Variants in ITGAM observed in about 807,000 individuals in gnomAD.
ITGAM encodes the protein integrin alpha-M.
A neutral mutation model predicts 137.5 loss-of-function variants in ITGAM; 79 were observed. The ratio of observed to expected loss-of-function variants is 0.57; its 90% CI spans 0.48 to 0.69. The LOEUF (loss-of-function observed/expected upper bound fraction) is 0.69, where lower values mean the gene tolerates loss of function less well. Among genes scored for constraint, ITGAM ranks in the 30% least tolerant of loss-of-function variants. The pLI is 0.00. For missense variants in ITGAM, 1,343 were observed against 1,483.5 expected, an observed-to-expected ratio of 0.91 and a Z score of 1.56; for synonymous variants, 583 against 592.3, an observed-to-expected ratio of 0.98 and a Z score of 0.23.
intron 16 of ITGAM, among the ~76,000 whole-genome samples, chr16:31,323,871 G>A (rs577436210): frequency 5.9e-5 from 9 of 152,120 alleles, no homozygotes; most frequent in Non-Finnish European, 1.0e-4. Flanking sequence ...AAATTAGCAC[G>A]GCGTGGTGGC....
Position 31,331,974 on chromosome 16 carries a change from T to C in ITGAM, c.*267T>C, listed in dbSNP as rs556347749. On this transcript the variant is annotated 3_prime_UTR_variant, in exon 30 of 30. Coordinates refer to ENST00000544665, the MANE Select transcript of ITGAM (RefSeq NM_000632.4). The stretch of plus-strand genomic sequence containing the variant: ...GTATGTGAGTGTGTCCAAGTGTGTG[T>C]GCGTGTGTCCATGTGTGTGCAAGTG... 3.4e-4 allele frequency: 178 copies of C among 527,296 alleles called. 2 individuals are homozygous for C. The highest frequency in any genetic ancestry group is 2.3e-3 in the African/African-American group (116 of 51,114). The allele number at this position is 527,296 out of a possible 1,614,324, so 32.7% of individuals were successfully genotyped here.
At chr16:31,276,559 T>G in intron 9 of ITGAM, 112 bp from the exon 10 acceptor site, 1 of 717,672 alleles carries the variant, frequency 1.4e-6, no homozygotes, top group South Asian at 1.7e-5. Flanking sequence ...CTCTAACTCC[T>G]GACCTCAAGT....
At chr16:31,289,534 C>T (rs529062786) in intron 12 of ITGAM, among the ~76,000 whole-genome samples, 3 of 152,230 alleles carry the variant, frequency 2.0e-5, no homozygotes, top group Non-Finnish European at 2.9e-5. Flanking sequence ...CATGTTCTCA[C>T]TCATAGGTGG....
intron 14 of ITGAM, among the ~76,000 whole-genome samples, chr16:31,318,551 C>T (rs1217873397): frequency 1.3e-4 from 20 of 152,112 alleles, no homozygotes; most frequent in Non-Finnish European, 2.9e-4. Context: ...ACCATGATGG[C>T]CAGGCTGGTT....
chr16:31,281,591 C>T (rs2079969902), intron 12 of ITGAM, among the ~76,000 whole-genome samples: 1 of 152,094 alleles, frequency 6.6e-6, no homozygotes, highest in Non-Finnish European at 1.5e-5. Flanking sequence ...TGTATTGCGT[C>T]TATTTGATTC....
Position 31,297,592 on chromosome 16 carries a change from G to A in ITGAM, c.1435G>A (p.Ala479Thr), listed in dbSNP as rs1196762712. Residue 479 changes from alanine to threonine, a missense_variant, in exon 13 of 30, where the codon GCC (alanine) becomes ACC (threonine). Transcript: ENST00000544665. ...NGSTDLVLIGAPHYYEQTRGG... is the reference protein window; with the variant it reads ...NGSTDLVLIGTPHYYEQTRGG... ...CAGCACCGACCTGGTCCTCATCGGG[G>A]CCCCCCATTACTACGAGCAGACCCG... The A allele has an allele frequency of 5.6e-6, 9 of 1,612,718 alleles. No individual in the cohort carries two copies. Among genetic ancestry groups the A allele is most frequent in the Non-Finnish European group, 7.6e-6 (9 of 1,179,896 alleles).
chr16:31,324,568 G>A lies in ITGAM; in HGVS notation c.2157+15G>A, dbSNP rs2080485655. ...TACAGTTGCCGGTGAGCAGGCTAGT[G>A]GCCAGACCCCTGGGTCTTCCAAGCA... On this transcript the variant is annotated intron_variant, in intron 17 of 29. Coordinates refer to ENST00000544665, the MANE Select transcript of ITGAM (RefSeq NM_000632.4). This position sits in a 1 kb window ranked among gnomAD's most constrained non-coding sequence, Gnocchi z 4.5. 6.2e-7 allele frequency: 1 copy of A among 1,610,116 alleles called. No individual in the cohort carries two copies. Among genetic ancestry groups the A allele is most frequent in the Non-Finnish European group, 8.5e-7 (1 of 1,178,282 alleles).
rs897438357 is a variant in ITGAM at position 31,262,361 on chromosome 16, T to A, written c.134+564T>A. 3.2e-3 allele frequency among the ~76,000 whole-genome samples: 425 copies of A among 131,530 alleles called. 6 individuals carry two copies. Among genetic ancestry groups the A allele is most frequent in the African/African-American group, 8.2e-3 (278 of 33,818 alleles). 86.3% of individuals were successfully genotyped at this position (131,530 alleles called of 152,430 possible). A position where few individuals can be genotyped will look rare whatever the true frequency, so the allele number is the denominator to read the frequency against. On this transcript the variant is annotated intron_variant, in intron 2 of 29. Coordinates refer to ENST00000544665, the MANE Select transcript of ITGAM (RefSeq NM_000632.4). ...CATCCTTCCTTCCTTCCTTCCTTCC[T>A]TCCTTCCTTCCTTCCTTCCTTCCTT...
In ITGAM at chr16:31,297,884, A is replaced by G. The variant is rs773521208; in HGVS notation, c.1637A>G (p.Glu546Gly). Reference protein sequence around the residue: ...TDVAIGAPGEEDNRGAVYLFH... With the variant: ...TDVAIGAPGEGDNRGAVYLFH... ...GTGGCCATTGGGGCCCCAGGAGAGG[A>G]GGACAACCGGGGTGCTGTTTACCTG... Residue 546 changes from glutamate (E) to glycine (G), a missense_variant, in exon 14 of 30, where the codon GAG (glutamate) becomes GGG (glycine). Transcript: ENST00000544665. 12 of 1,613,812 alleles carry G rather than the reference A, an allele frequency of 7.4e-6. No homozygotes were observed. In the South Asian group the frequency reaches 1.3e-4, roughly 18 times the overall value.
At chr16:31,326,287 A>T (rs1037078184) in intron 21 of ITGAM, among the ~76,000 whole-genome samples, 2 of 152,282 alleles carry the variant, frequency 1.3e-5, no homozygotes, top group South Asian at 4.1e-4. Context: ...TATTCTGGAC[A>T]TTTCATATAA....
intron 16 of ITGAM, among the ~76,000 whole-genome samples, chr16:31,322,184 G>A (rs1281137202): frequency 6.6e-6 from 1 of 152,140 alleles, no homozygotes; most frequent in Non-Finnish European, 1.5e-5. Context: ...AGGCATGATG[G>A]CATGTTCTTG....
chr16:31,316,086 C>G (rs1264766740), intron 14 of ITGAM, among the ~76,000 whole-genome samples: 1 of 21,436 alleles, frequency 4.7e-5, no homozygotes, highest in Admixed American at 4.7e-4. Context: ...CCCAGCTACT[C>G]GGGAGGCTGA....
chr16:31,295,130 C>G (rs938033330), intron 12 of ITGAM, among the ~76,000 whole-genome samples: 1 of 152,070 alleles, frequency 6.6e-6, no homozygotes, highest in East Asian at 1.9e-4. Flanking sequence ...CTAGAGCTTT[C>G]TTGACACAGT....
At chr16:31,303,881 T>G (rs944820788) in intron 14 of ITGAM, among the ~76,000 whole-genome samples, 2 of 152,226 alleles carry the variant, frequency 1.3e-5, no homozygotes, top group Admixed American at 6.5e-5. Flanking sequence ...TACCACAGTT[T>G]GGTTCCATAT....
intron 14 of ITGAM, among the ~76,000 whole-genome samples, chr16:31,312,994 C>T (rs56267827): frequency 5.3e-5 from 8 of 150,904 alleles, no homozygotes; most frequent in Non-Finnish European, 3.0e-5. Context: ...CCGAGGCGGG[C>T]GGATCACGAG....
chr16:31,302,483 CTT>C (rs34797781), intron 14 of ITGAM, among the ~76,000 whole-genome samples: 29 of 77,690 alleles, frequency 3.7e-4, no homozygotes, highest in African/African-American at 1.5e-3. Context: ...TTCTTTCTTT[CTT>C]TTTTCTTTCC....
At chr16:31,275,212 C>T (rs1018633853) in intron 8 of ITGAM, among the ~76,000 whole-genome samples, 9 of 152,086 alleles carry the variant, frequency 5.9e-5, no homozygotes, top group South Asian at 2.1e-4. Flanking sequence ...ACACAGAAAG[C>T]GATATCACCA....
chr16:31,296,818 AATGT>A (rs1240512253), intron 12 of ITGAM, among the ~76,000 whole-genome samples: 2 of 152,222 alleles, frequency 1.3e-5, no homozygotes. Flanking sequence ...TGAATGAATG[AATGT>A]ATGATTAAAT....
At chr16:31,287,392 C>A (rs1283165703) in intron 12 of ITGAM, among the ~76,000 whole-genome samples, 4 of 152,050 alleles carry the variant, frequency 2.6e-5, no homozygotes, top group Non-Finnish European at 5.9e-5. Flanking sequence ...ATAGTTTTTT[C>A]TATCTGTGAA....
Sources: gnomAD v4.1 joint callset for allele counts (sites outside exome capture counted in the v4.1 genomes callset) on GRCh38, gnomAD v4.1.1 for gene constraint, Gnocchi (gnomAD v3.1) non-coding constraint, MANE v1.5 for transcripts, NCBI Gene and HGNC (gene_info 2026-07-23, HGNC 2026-07-21) for gene names.